The following KCNN2 variants were observed in gnomAD, a reference collection of about 807,000 sequenced individuals.
The protein encoded by KCNN2 is potassium calcium-activated channel subfamily N member 2.
A neutral mutation model predicts 55.5 loss-of-function variants in KCNN2; 24 were observed. That is an observed-to-expected ratio of 0.43 (90% CI 0.31 to 0.61). The LOEUF (loss-of-function observed/expected upper bound fraction) is 0.61. Among genes scored for constraint, KCNN2 ranks in the 20% least tolerant of loss-of-function variants. The pLI, the probability that KCNN2 is intolerant of heterozygous loss-of-function variation, is 0.08. For synonymous variants in KCNN2, 431 were observed against 336.1 expected (o/e 1.28, Z -3.09); for missense variants, 754 against 853.6 (o/e 0.88, Z 1.45).
intron 1 of KCNN2, among the ~76,000 whole-genome samples, chr5:114,124,237 A>G (rs1447385447): frequency 6.6e-6 from 1 of 152,230 alleles, no homozygotes; most frequent in African/African-American, 2.4e-5. Flanking sequence ...ATAAAAGGAA[A>G]GGAAAAGAAC....
chr5:114,431,639 TC>T (rs1171337655), intron 3 of KCNN2, among the ~76,000 whole-genome samples: 1 of 95,074 alleles, frequency 1.1e-5, no homozygotes, highest in African/African-American at 2.9e-5. Flanking sequence ...GTTAAACTTC[TC>T]TTTTTCTCAT....
Position 114,442,654 on chromosome 5 carries a change from C to A in KCNN2, c.1638-20395C>A, listed in dbSNP as rs570398381. The stretch of plus-strand genomic sequence containing the variant: ...ATTGGGGCTTATGAATGGCAAACGA[C>A]GGAAGACTCAGACCATAAACCTGCC... On this transcript the variant is annotated intron_variant, in intron 3 of 7. Transcript: ENST00000673685. Among the ~76,000 whole-genome samples, 45 of 152,204 alleles carry A rather than the reference C, an allele frequency of 3.0e-4. No individual in the cohort carries two copies. The South Asian group carries it at 7.7e-3, about 26-fold the overall frequency.
At chr5:114,219,369 CA>C (rs1754082750) in intron 1 of KCNN2, among the ~76,000 whole-genome samples, 1 of 152,120 alleles carries the variant, frequency 6.6e-6, no homozygotes, top group Non-Finnish European at 1.5e-5. Flanking sequence ...AAAATGAGGT[CA>C]CCCAAACAAA....
In KCNN2 at chr5:114,123,635, T is replaced by A. The variant is rs1751871509; in HGVS notation, c.-271+67135T>A. On this transcript the variant is annotated intron_variant, in intron 1 of 10. Coordinates refer to the KCNN2 transcript ENST00000512097. ...GCCTCGGCCTCCCAAAGTGCTGGGATTACAGGCGTGAGCCACCGCGCCCGG... is the reference window on the plus strand; with the variant it reads ...GCCTCGGCCTCCCAAAGTGCTGGGAATACAGGCGTGAGCCACCGCGCCCGG... 4.7e-5 allele frequency among the ~76,000 whole-genome samples: 7 copies of A among 150,182 alleles called. No individual in the cohort carries two copies. In the South Asian group the frequency reaches 1.1e-3, roughly 23 times the overall value.
At chr5:114,081,585 A>G (rs1750821179) in intron 1 of KCNN2, among the ~76,000 whole-genome samples, 1 of 152,230 alleles carries the variant, frequency 6.6e-6, no homozygotes, top group Non-Finnish European at 1.5e-5. Flanking sequence ...ATGCAAAAGA[A>G]TGACGGTGGA....
At position 114,369,536 on chromosome 5, in the gene KCNN2, G is replaced by A. The variant is rs376250092; in HGVS notation, c.1218+5535G>A. ...TAAAAATTATAGCAACAGGTTGAAGGTAAGACTCCAAAAGATAGTGAGGTA... is the reference window on the plus strand; with the variant it reads ...TAAAAATTATAGCAACAGGTTGAAGATAAGACTCCAAAAGATAGTGAGGTA... On this transcript the variant is annotated intron_variant, in intron 2 of 7. Transcript: ENST00000673685. Among the ~76,000 whole-genome samples, 17 of 152,252 alleles carry A rather than the reference G, an allele frequency of 1.1e-4. No homozygotes were observed. The East Asian group carries it at 2.5e-3, about 22-fold the overall frequency.
chr5:114,157,916 T>A (rs1752674115), intron 1 of KCNN2, among the ~76,000 whole-genome samples: 1 of 151,828 alleles, frequency 6.6e-6, no homozygotes, highest in Admixed American at 6.6e-5. Context: ...CTTTGTCAGA[T>A]GAGTAGATTG....
At chr5:114,314,728 C>G (rs1756465213) in intron 2 of KCNN2, among the ~76,000 whole-genome samples, 1 of 152,030 alleles carries the variant, frequency 6.6e-6, no homozygotes, top group Admixed American at 6.6e-5. Context: ...TAATAGCCAG[C>G]CTGAAGTGTA....
intron 1 of KCNN2, among the ~76,000 whole-genome samples, chr5:114,057,699 T>C (rs1750241123): frequency 6.6e-6 from 1 of 152,024 alleles, no homozygotes; most frequent in South Asian, 2.1e-4. Flanking sequence ...TACCTTCATA[T>C]GGTGAGTGGA....
intron 3 of KCNN2, among the ~76,000 whole-genome samples, chr5:114,432,845 T>C (rs561704693): frequency 9.5e-4 from 144 of 152,312 alleles, no homozygotes; most frequent in African/African-American, 3.2e-3. Context: ...GCGGTGGTTG[T>C]ACTGGGTCCC....
At chr5:114,245,338 A>G (rs1446127788) in intron 2 of KCNN2, among the ~76,000 whole-genome samples, 3 of 152,326 alleles carry the variant, frequency 2.0e-5, no homozygotes, top group Middle Eastern at 3.4e-3. Flanking sequence ...GATAAACGTG[A>G]TATCTCTTCA....
At chr5:114,357,148 C>T (rs1355141880), upstream of KCNN2, among the ~76,000 whole-genome samples, 1 of 151,866 alleles carries the variant, frequency 6.6e-6, no homozygotes, top group Non-Finnish European at 1.5e-5. Flanking sequence ...TGGAAATATA[C>T]CAAAAACACC....
At chr5:114,056,411 G>C (rs984978949) in exon 1 of KCNN2, 7 of 398,504 alleles carry the variant, frequency 1.8e-5, no homozygotes, top group African/African-American at 1.0e-4. Context: ...CTTCAGCTTT[G>C]TCCACTGGCG....
intron 2 of KCNN2, among the ~76,000 whole-genome samples, chr5:114,327,230 T>G (rs1304241236): frequency 6.6e-6 from 1 of 152,234 alleles, no homozygotes; most frequent in Non-Finnish European, 1.5e-5. Flanking sequence ...AACAAAGTCT[T>G]AGTGTGTATT....
chr5:114,157,837 A>G (rs1247717317), intron 1 of KCNN2, among the ~76,000 whole-genome samples: 1 of 145,928 alleles, frequency 6.9e-6, no homozygotes, highest in African/African-American at 2.5e-5. Flanking sequence ...TCCTTTGCCC[A>G]CTTTTTGATG....
intron 2 of KCNN2, among the ~76,000 whole-genome samples, chr5:114,278,347 G>T (rs930724072): frequency 6.6e-6 from 1 of 152,198 alleles, no homozygotes; most frequent in Non-Finnish European, 1.5e-5. Flanking sequence ...ATCAGAGCTC[G>T]AATGCCATGC....
upstream of KCNN2, among the ~76,000 whole-genome samples, chr5:114,360,169 A>C (rs1366335594): frequency 6.6e-6 from 1 of 152,214 alleles, no homozygotes; most frequent in African/African-American, 2.4e-5. Context: ...TACGGGACTA[A>C]AAGCAGCTGT....
intron 2 of KCNN2, among the ~76,000 whole-genome samples, chr5:114,373,460 T>C (rs1001018038): frequency 6.6e-6 from 1 of 150,694 alleles, no homozygotes; most frequent in Admixed American, 6.7e-5. Flanking sequence ...GCAATAGGAC[T>C]CTCCTTTGTG....
At chr5:114,134,639 C>A (rs1477202149) in intron 1 of KCNN2, among the ~76,000 whole-genome samples, 1 of 151,984 alleles carries the variant, frequency 6.6e-6, no homozygotes, top group Non-Finnish European at 1.5e-5. Context: ...CGGCTCCCGG[C>A]AAATTTTTTG....
Sources: allele counts gnomAD v4.1 joint callset (sites outside exome capture counted in the v4.1 genomes callset), GRCh38; gene constraint gnomAD v4.1.1; transcripts MANE v1.5; gene names NCBI Gene and HGNC (gene_info 2026-07-23, HGNC 2026-07-21).